Variants in KCNB2 observed in about 807,000 individuals in gnomAD.
The protein encoded by KCNB2 is delayed rectifier potassium channel protein.
A neutral mutation model predicts 61.5 loss-of-function variants in KCNB2; 15 were observed. The observed-to-expected ratio is 0.24, with a 90% CI of 0.16 to 0.38. The LOEUF (loss-of-function observed/expected upper bound fraction) is 0.38, where lower values mean the gene tolerates loss of function less well. KCNB2 is among the 10% of genes least tolerant of loss of function. KCNB2 has a pLI of 1.00. For synonymous variants in KCNB2, 457 were observed against 446.0 expected, an observed-to-expected ratio of 1.02 and a Z score of -0.31; for missense variants, 828 against 1,125.2, an observed-to-expected ratio of 0.74 and a Z score of 3.78.
chr8:72,852,980 C>A (rs1281479876), intron 2 of KCNB2, among the ~76,000 whole-genome samples: 1 of 152,114 alleles, frequency 6.6e-6, no homozygotes, highest in Non-Finnish European at 1.5e-5. Context: ...TGGCAATAGC[C>A]TCTTTTTCTG....
intron 2 of KCNB2, among the ~76,000 whole-genome samples, chr8:72,605,245 G>A (rs1805425397): frequency 6.6e-6 from 1 of 152,340 alleles, no homozygotes; most frequent in East Asian, 1.9e-4. Context: ...ACACAGCACA[G>A]CTGGGACATG....
intron 1 of KCNB2, among the ~76,000 whole-genome samples, chr8:72,538,185 A>C (rs945190180): frequency 6.6e-5 from 10 of 152,086 alleles, no homozygotes; most frequent in African/African-American, 2.4e-4. Flanking sequence ...TTGTTGGTAA[A>C]TGCCACACTC....
chr8:72,924,629 C>T (rs935218931), intron 2 of KCNB2, among the ~76,000 whole-genome samples: 2 of 151,960 alleles, frequency 1.3e-5, no homozygotes, highest in African/African-American at 2.4e-5. Flanking sequence ...AGAAAATGTC[C>T]GCATCAGACA....
In KCNB2 at chr8:72,688,818, C is replaced by G. The variant is rs149836944; in HGVS notation, c.579+120505C>G. 5.8e-3 allele frequency among the ~76,000 whole-genome samples: 885 copies of G among 152,232 alleles called. 10 individuals carry two copies. The Middle Eastern group carries it at 0.076, about 13-fold the overall frequency. On this transcript the variant is annotated intron_variant, in intron 2 of 2. Transcript: ENST00000523207. ...GTCTGCTCACTGCAACCTCCGCCTC[C>G]CAGGCTCAAGCAGTCCTCCCACCTC...
At chr8:72,926,101 G>T (rs1371514511) in intron 2 of KCNB2, among the ~76,000 whole-genome samples, 1 of 152,184 alleles carries the variant, frequency 6.6e-6, no homozygotes, top group Non-Finnish European at 1.5e-5. Flanking sequence ...GTCAGGGCTG[G>T]GGGTTGGGGG....
intron 2 of KCNB2, among the ~76,000 whole-genome samples, chr8:72,925,294 T>G (rs1248196519): frequency 6.6e-6 from 1 of 152,138 alleles, no homozygotes; most frequent in Non-Finnish European, 1.5e-5. Flanking sequence ...TTTAGAAAAC[T>G]TCCTTGCAGA....
At chr8:72,806,541 G>T (rs1033396063) in intron 2 of KCNB2, among the ~76,000 whole-genome samples, 3 of 151,808 alleles carry the variant, frequency 2.0e-5, no homozygotes, top group African/African-American at 7.3e-5. Context: ...CTTGAACCCG[G>T]GAGGCAGAGG....
chr8:72,751,707 C>A (rs764131014), intron 2 of KCNB2: 2 of 152,162 alleles, frequency 1.3e-5, no homozygotes, highest in Non-Finnish European at 2.9e-5. Flanking sequence ...TCCACTTAGA[C>A]ATTTTAGTAC....
intron 2 of KCNB2, among the ~76,000 whole-genome samples, chr8:72,914,352 T>A (rs1806354008): frequency 6.6e-6 from 1 of 152,086 alleles, no homozygotes; most frequent in Non-Finnish European, 1.5e-5. Context: ...TAGGAGAAAA[T>A]AAAACTACAT....
chr8:72,730,145 G>A (rs1462822004), intron 2 of KCNB2, among the ~76,000 whole-genome samples: 1 of 152,078 alleles, frequency 6.6e-6, no homozygotes, highest in Non-Finnish European at 1.5e-5. Flanking sequence ...GAGAACTTAT[G>A]CTATACATTA....
At chr8:72,920,461 C>CTATATATATATATATATATATA in intron 2 of KCNB2, among the ~76,000 whole-genome samples, 1 of 72,596 alleles carries the variant, frequency 1.4e-5, no homozygotes, top group Non-Finnish European at 2.8e-5. Context: ...ATCTATCTAT[C>CTATATATATATATATATATATA]TATCTATCTA....
intron 2 of KCNB2, among the ~76,000 whole-genome samples, chr8:72,897,056 T>C (rs16938471): frequency 0.043 from 6,554 of 152,208 alleles, 464 homozygotes; most frequent in African/African-American, 0.14. Context: ...TTCTAGATTC[T>C]AGACAATTCC....
intron 2 of KCNB2, among the ~76,000 whole-genome samples, chr8:72,711,222 A>C (rs558456994): frequency 6.6e-6 from 1 of 152,204 alleles, no homozygotes; most frequent in Admixed American, 6.5e-5. Context: ...TCCACACAAA[A>C]CTACTTGGCC....
chr8:72,860,500 G>A (rs893719924), intron 2 of KCNB2, among the ~76,000 whole-genome samples: 2 of 152,302 alleles, frequency 1.3e-5, no homozygotes, highest in African/African-American at 2.4e-5. Context: ...AAGTTTCTCT[G>A]CTGACTTTTA....
intron 2 of KCNB2, among the ~76,000 whole-genome samples, chr8:72,761,434 A>G (rs1223944964): frequency 6.6e-6 from 1 of 152,210 alleles, no homozygotes; most frequent in Non-Finnish European, 1.5e-5. Flanking sequence ...AGATTTGGGG[A>G]AAAAACCCAG....
At chr8:72,694,254 G>A (rs182239031) in intron 2 of KCNB2, among the ~76,000 whole-genome samples, 1 of 152,296 alleles carries the variant, frequency 6.6e-6, no homozygotes, top group East Asian at 1.9e-4. Flanking sequence ...GACAAAGACT[G>A]GCTTTTAGAG....
At chr8:72,704,292 G>A (rs1022781383) in intron 2 of KCNB2, among the ~76,000 whole-genome samples, 4 of 152,094 alleles carry the variant, frequency 2.6e-5, no homozygotes, top group African/African-American at 9.7e-5. Flanking sequence ...GAACATTTTA[G>A]CATAATTTTA....
intron 2 of KCNB2, among the ~76,000 whole-genome samples, chr8:72,645,280 TC>T (rs754474800): frequency 2.0e-5 from 3 of 152,014 alleles, no homozygotes; most frequent in Non-Finnish European, 2.9e-5. Flanking sequence ...ATATACTAGG[TC>T]TGTACCGCTT....
At chr8:72,820,095 C>T (rs533057296) in intron 2 of KCNB2, among the ~76,000 whole-genome samples, 1 of 152,238 alleles carries the variant, frequency 6.6e-6, no homozygotes, top group African/African-American at 2.4e-5. Context: ...ACTGCAAAGC[C>T]TTCCTCCTCC....
Sources: allele counts gnomAD v4.1 joint callset (sites outside exome capture counted in the v4.1 genomes callset), GRCh38; gene constraint gnomAD v4.1.1; transcripts MANE v1.5; gene names NCBI Gene and HGNC (gene_info 2026-07-23, HGNC 2026-07-21).